The following ERCC6L2 variants were observed in gnomAD, a reference collection of about 807,000 sequenced individuals.
ERCC6L2 encodes the protein ERCC excision repair 6 like 2.
ERCC6L2 carries 77 observed loss-of-function variants against 132.0 expected under a neutral mutation model. The ratio of observed to expected loss-of-function variants is 0.58; its 90% confidence interval spans 0.49 to 0.71. ERCC6L2 has a LOEUF of 0.71. Ranked by LOEUF, ERCC6L2 falls within the 30% of genes least tolerant of loss-of-function variation. The pLI, the probability that ERCC6L2 is intolerant of heterozygous loss-of-function variation, is 0.00. For missense variants in ERCC6L2, 1,542 were observed against 1,837.6 expected, an observed-to-expected ratio of 0.84 and a Z score of 2.94; for synonymous variants, 583 against 632.4, an observed-to-expected ratio of 0.92 and a Z score of 1.17.
chr9:96,024,298 G>A (rs1051021515), intron 19 of ERCC6L2, among the ~76,000 whole-genome samples: 2 of 152,228 alleles, frequency 1.3e-5, no homozygotes, highest in African/African-American at 4.8e-5. Context: ...GACCAGGGAA[G>A]AGGAGAAGGT....
intron 13 of ERCC6L2, among the ~76,000 whole-genome samples, chr9:95,965,091 G>C (rs139808948): frequency 5.3e-5 from 8 of 152,174 alleles, no homozygotes; most frequent in Non-Finnish European, 1.2e-4. Flanking sequence ...ATGTTCATTG[G>C]TATCAAATTG....
At chr9:96,003,155 C>T (rs1833747161) in intron 17 of ERCC6L2, among the ~76,000 whole-genome samples, 1 of 152,100 alleles carries the variant, frequency 6.6e-6, no homozygotes, top group Non-Finnish European at 1.5e-5. Context: ...ATAGGTAATT[C>T]CTCGGATTTC....
chr9:95,910,061 A>G (rs528431164), intron 4 of ERCC6L2, among the ~76,000 whole-genome samples: 1 of 152,290 alleles, frequency 6.6e-6, no homozygotes, highest in East Asian at 1.9e-4. Flanking sequence ...TATTGGATGT[A>G]GTGTTTATAA....
intron 2 of ERCC6L2, among the ~76,000 whole-genome samples, chr9:95,890,518 A>G (rs939783247): frequency 4.6e-5 from 7 of 152,226 alleles, no homozygotes; most frequent in African/African-American, 1.7e-4. Context: ...ATATTTTAAA[A>G]CTTAGGACAA....
intron 2 of ERCC6L2, among the ~76,000 whole-genome samples, chr9:95,884,967 TGGTGAAGAGG>T (rs970548638): frequency 2.6e-5 from 4 of 152,218 alleles, no homozygotes; most frequent in African/African-American, 9.6e-5. Context: ...AGGACAGATC[TGGTGAAGAGG>T]GCACAGATAA....
At chr9:95,907,408 T>C in intron 4 of ERCC6L2, 137 bp downstream of exon 4, 1 of 659,088 alleles carries the variant, frequency 1.5e-6, no homozygotes, top group Middle Eastern at 4.4e-4. Flanking sequence ...TTTCGCCACG[T>C]TGCCCAGGCT....
chr9:95,881,230 A>G lies in ERCC6L2; in HGVS notation c.408A>G (p.Gly136=), dbSNP rs1388085938. The G allele has an allele frequency of 1.3e-6, 2 of 1,597,744 alleles. No individual in the cohort carries two copies. Among genetic ancestry groups the G allele is most frequent in the Admixed American group, 1.8e-5 (1 of 54,728 alleles). The change falls in exon 2 of 19, where the codon GGA becomes GGG. Residue 136 remains glycine (G), a synonymous_variant. Coordinates refer to ENST00000653738, the MANE Select transcript of ERCC6L2 (RefSeq NM_020207.7). The stretch of plus-strand genomic sequence containing the variant: ...GAGAAGGAACCCGGTTTCTTTATGG[A>G]CACTACATCCATGGAGGAGGGTGCA... ...YQREGTRFLY[G]HYIHGGGCIL... is the part of the protein sequence containing the mutation.
Position 95,881,043 on chromosome 9 carries a change from T to C in ERCC6L2, c.221T>C (p.Phe74Ser). Residue 74 changes from phenylalanine to serine, a missense_variant, in exon 2 of 19, where the codon TTT (phenylalanine) becomes TCT (serine). Around this residue, in one of 4 missense-constraint regions of ERCC6L2, gnomAD observed 153 missense variants for 132.3 expected, o/e 1.16. Transcript: ENST00000653738. ...IPLKQLQEVK[F>S]VKDCPRNLIF... ...CTTAAACAGCTTCAAGAAGTGAAAT[T>C]TGTTAAAGATTGCCCTAGGAATCTT... The C allele has an allele frequency of 6.2e-7, 1 of 1,613,918 alleles. No homozygotes were observed. Among genetic ancestry groups the C allele is most frequent in the Non-Finnish European group, 8.5e-7 (1 of 1,179,846 alleles).
chr9:95,905,237 T>C (rs759739408), intron 3 of ERCC6L2: 13 of 152,234 alleles, frequency 8.5e-5, no homozygotes, highest in African/African-American at 1.2e-4. Flanking sequence ...TAAGTTCTTA[T>C]GTACTTTCCC....
In ERCC6L2 at chr9:96,016,577, C is replaced by T. The variant is rs1171378779; in HGVS notation, c.*3374C>T. Among the ~76,000 whole-genome samples, 3 of 152,170 alleles carry T rather than the reference C, an allele frequency of 2.0e-5. No individual in the cohort carries two copies. The highest frequency in any genetic ancestry group is 4.8e-5 in the African/African-American group (2 of 41,450). ...ACATCTGCAAATGGTGCAGCTGCCC[C>T]TAAGTATTCAAGGCAAAGAAGCCTT... On this transcript the variant is annotated 3_prime_UTR_variant, in exon 19 of 19. Coordinates refer to ENST00000653738, the MANE Select transcript of ERCC6L2 (RefSeq NM_020207.7).
At chr9:95,962,116 A>G (rs1336531851) in intron 13 of ERCC6L2, among the ~76,000 whole-genome samples, 1 of 152,206 alleles carries the variant, frequency 6.6e-6, no homozygotes, top group African/African-American at 2.4e-5. Context: ...TCACTGAATT[A>G]AAAATGCAAG....
intron 18 of ERCC6L2, among the ~76,000 whole-genome samples, chr9:96,009,187 G>C: frequency 6.6e-6 from 1 of 152,114 alleles, no homozygotes; most frequent in East Asian, 1.9e-4. Flanking sequence ...TGCTGCATAC[G>C]CATCTTGAGC....
At chr9:95,980,215 A>G (rs1204602049) in intron 17 of ERCC6L2, among the ~76,000 whole-genome samples, 1 of 152,284 alleles carries the variant, frequency 6.6e-6, no homozygotes, top group Non-Finnish European at 1.5e-5. Flanking sequence ...GTCTCTTCAC[A>G]GTGATTTTCA....
intron 7 of ERCC6L2, among the ~76,000 whole-genome samples, chr9:95,921,777 T>G (rs1829879679): frequency 6.6e-6 from 1 of 152,236 alleles, no homozygotes; most frequent in South Asian, 2.1e-4. Context: ...TCTAACCTTT[T>G]GTTTATATTT....
intron 11 of ERCC6L2, among the ~76,000 whole-genome samples, chr9:95,939,850 T>C (rs1397140418): frequency 2.6e-5 from 4 of 152,206 alleles, no homozygotes; most frequent in African/African-American, 7.2e-5. Flanking sequence ...AGTGATTTTT[T>C]ATTGTATCAT....
chr9:95,896,361 G>T (rs1377376896), intron 2 of ERCC6L2, among the ~76,000 whole-genome samples: 1 of 150,924 alleles, frequency 6.6e-6, no homozygotes, highest in Non-Finnish European at 1.5e-5. Context: ...TGCAAGGTCA[G>T]CTACTTGTCT....
At chr9:95,960,328 C>T (rs1831840950) in intron 13 of ERCC6L2, among the ~76,000 whole-genome samples, 1 of 152,092 alleles carries the variant, frequency 6.6e-6, no homozygotes, top group Non-Finnish European at 1.5e-5. Flanking sequence ...GAAAAAGGCA[C>T]TATAGCGGGC....
At chr9:96,008,233 G>A (rs1470034377) in intron 18 of ERCC6L2, among the ~76,000 whole-genome samples, 1 of 152,076 alleles carries the variant, frequency 6.6e-6, no homozygotes, top group Non-Finnish European at 1.5e-5. Context: ...TCTGTTCTGG[G>A]CTTCAATGTC....
intron 14 of ERCC6L2, 124 bp downstream of exon 14, chr9:95,966,838 C>T: frequency 1.4e-6 from 1 of 725,020 alleles, no homozygotes; most frequent in Non-Finnish European, 2.0e-6. Flanking sequence ...ATCAAAAATG[C>T]CTTGGAATTT....
Sources: allele counts gnomAD v4.1 joint callset (sites outside exome capture counted in the v4.1 genomes callset), GRCh38; gene constraint gnomAD v4.1.1; regional missense constraint gnomAD v4.1.1; transcripts MANE v1.5; gene names NCBI Gene and HGNC (gene_info 2026-07-23, HGNC 2026-07-21).